The following CAMTA1 variants were observed in gnomAD, a reference collection of about 807,000 sequenced individuals.
The protein encoded by CAMTA1 is calmodulin-binding transcription activator 1.
A neutral mutation model predicts 170.9 loss-of-function variants in CAMTA1; 27 were observed. The observed-to-expected ratio is 0.16, with a 90% CI of 0.12 to 0.22. CAMTA1 has a LOEUF of 0.22. Ranked by LOEUF, CAMTA1 falls within the 10% of genes least tolerant of loss-of-function variation. The pLI is 1.00. For synonymous variants in CAMTA1, 833 were observed against 891.5 expected, an observed-to-expected ratio of 0.93 and a Z score of 1.17; for missense variants, 1,619 against 2,217.2, an observed-to-expected ratio of 0.73 and a Z score of 5.42.
intron 5 of CAMTA1, among the ~76,000 whole-genome samples, chr1:7,356,897 C>A (rs1258110041): frequency 2.0e-5 from 3 of 152,164 alleles, no homozygotes; most frequent in African/African-American, 7.2e-5. Context: ...GAGGATGTGA[C>A]AGGATATCTA....
chr1:7,004,926 C>A (rs182553211), intron 3 of CAMTA1, among the ~76,000 whole-genome samples: 1 of 152,294 alleles, frequency 6.6e-6, no homozygotes, highest in African/African-American at 2.4e-5. Context: ...TGCCATCACA[C>A]CCGGCTAATT....
chr1:7,446,155 AT>A (rs1388836829), intron 5 of CAMTA1, among the ~76,000 whole-genome samples: 6 of 147,474 alleles, frequency 4.1e-5, no homozygotes, highest in Non-Finnish European at 8.9e-5. Context: ...TCTCTGGAAT[AT>A]TGAGTATAAT....
intron 22 of CAMTA1, 136 bp from the exon 23 acceptor site, chr1:7,766,323 T>C (rs2097024370): frequency 1.5e-6 from 1 of 675,022 alleles, no homozygotes; most frequent in South Asian, 2.1e-5. Context: ...CACAGGAGTT[T>C]CTTTTGCCGT....
chr1:6,948,402 G>T (rs545643390), intron 3 of CAMTA1, among the ~76,000 whole-genome samples: 1 of 152,206 alleles, frequency 6.6e-6, no homozygotes, highest in African/African-American at 2.4e-5. Context: ...ATGTACATGC[G>T]TAGGTAAGAG....
intron 4 of CAMTA1, among the ~76,000 whole-genome samples, chr1:7,101,970 A>G (rs1558098026): frequency 6.6e-6 from 1 of 152,122 alleles, no homozygotes. Context: ...GCATGCATGC[A>G]GCACAGAAAT....
chr1:7,670,566 T>G (rs1258672910), intron 9 of CAMTA1, among the ~76,000 whole-genome samples: 2 of 152,160 alleles, frequency 1.3e-5, no homozygotes, highest in Non-Finnish European at 1.5e-5. Flanking sequence ...AGGCCATTTC[T>G]CAGGGGCATC....
Position 7,482,294 on chromosome 1 carries a change from TG to T in CAMTA1, c.510+14394del, listed in dbSNP as rs1355247027. 6.6e-6 allele frequency among the ~76,000 whole-genome samples: 1 copy of T among 152,074 alleles called. No individual in the cohort carries two copies. The highest frequency in any genetic ancestry group is 6.5e-5 in the Admixed American group (1 of 15,274). On this transcript the variant is annotated intron_variant, in intron 6 of 22. Transcript: ENST00000303635. The surrounding 1 kb of genome is among the most constrained non-coding windows in gnomAD (Gnocchi z 4.2). ...GAGCCATGCCTAGCACATAAGTACT[TG>T]TTTATTGGATAGGTGTGAATGGTGT...
intron 5 of CAMTA1, among the ~76,000 whole-genome samples, chr1:7,427,132 A>C (rs2091907821): frequency 6.6e-6 from 1 of 152,198 alleles, no homozygotes; most frequent in Admixed American, 6.5e-5. Context: ...GTCTGAGCCG[A>C]GAAGAGCTGT....
At chr1:7,708,809 T>C (rs1023098243) in intron 11 of CAMTA1, among the ~76,000 whole-genome samples, 1 of 152,234 alleles carries the variant, frequency 6.6e-6, no homozygotes, top group African/African-American at 2.4e-5. Flanking sequence ...GGTAAATGTT[T>C]CTAGGAGTTA....
intron 3 of CAMTA1, among the ~76,000 whole-genome samples, chr1:6,929,177 T>C (rs1011618558): frequency 7.2e-5 from 11 of 152,192 alleles, no homozygotes; most frequent in Admixed American, 1.3e-4. Flanking sequence ...CTTTTTGTTT[T>C]GTTTCGTTTC....
At chr1:7,705,389 C>T (rs1465464202) in intron 11 of CAMTA1, among the ~76,000 whole-genome samples, 1 of 149,614 alleles carries the variant, frequency 6.7e-6, no homozygotes, top group African/African-American at 2.5e-5. Flanking sequence ...GTGCGAGGGG[C>T]GTGTGCGGCG....
chr1:7,758,871 C>T (rs2096952755), intron 22 of CAMTA1, among the ~76,000 whole-genome samples: 1 of 143,620 alleles, frequency 7.0e-6, no homozygotes, highest in South Asian at 2.2e-4. Flanking sequence ...GGAGGCGGAG[C>T]TTGCAGTGAG....
At chr1:6,985,567 ATC>A (rs1695224822) in intron 3 of CAMTA1, among the ~76,000 whole-genome samples, 1 of 152,198 alleles carries the variant, frequency 6.6e-6, no homozygotes, top group Non-Finnish European at 1.5e-5. Context: ...TACACTTACA[ATC>A]TCTCTGCATT....
intron 4 of CAMTA1, among the ~76,000 whole-genome samples, chr1:7,183,476 T>C (rs1045164590): frequency 6.6e-6 from 1 of 152,236 alleles, no homozygotes; most frequent in Non-Finnish European, 1.5e-5. Context: ...CCCTTGAAGA[T>C]ATACCTCAAA....
intron 6 of CAMTA1, among the ~76,000 whole-genome samples, chr1:7,493,358 TAC>T (rs1406844209): frequency 9.0e-6 from 1 of 111,388 alleles, no homozygotes; most frequent in Admixed American, 9.1e-5. Flanking sequence ...AACACAAACA[TAC>T]AAACACACGT....
intron 6 of CAMTA1, among the ~76,000 whole-genome samples, chr1:7,469,925 C>T (rs2093298480): frequency 6.6e-6 from 1 of 152,262 alleles, no homozygotes; most frequent in Admixed American, 6.5e-5. Context: ...AGCCCTCCCT[C>T]ACTGGCGCTC....
intron 3 of CAMTA1, among the ~76,000 whole-genome samples, chr1:7,083,366 C>G (rs1033011222): frequency 3.3e-5 from 5 of 152,148 alleles, no homozygotes; most frequent in African/African-American, 1.2e-4. Context: ...ACCCATTTTT[C>G]TATATGCTAA....
At chr1:6,957,092 T>C (rs10158762) in intron 3 of CAMTA1, among the ~76,000 whole-genome samples, 150,333 of 152,356 alleles carry the variant, frequency 0.99, 74,191 homozygotes, top group Middle Eastern at 1. Flanking sequence ...TAAGAAACCA[T>C]GTGATTCAAC....
chr1:6,855,060 CTG>C (rs1457646109), intron 3 of CAMTA1, among the ~76,000 whole-genome samples: 7 of 151,992 alleles, frequency 4.6e-5, no homozygotes, highest in Admixed American at 3.3e-4. Flanking sequence ...AAGAATAAAA[CTG>C]TGATTTTGTA....
Sources: gnomAD v4.1 joint callset for allele counts (sites outside exome capture counted in the v4.1 genomes callset) on GRCh38, gnomAD v4.1.1 for gene constraint, Gnocchi (gnomAD v3.1) non-coding constraint, MANE v1.5 for transcripts, NCBI Gene and HGNC (gene_info 2026-07-23, HGNC 2026-07-21) for gene names.